The following ADK variants were observed in gnomAD, a reference collection of about 807,000 sequenced individuals.
ADK encodes N6,N6-dimethyladenosine kinase.
In ADK, 24 loss-of-function variants were observed where a neutral mutation model predicts 44.7. That is an observed-to-expected ratio of 0.54 (90% CI 0.39 to 0.76). The LOEUF is 0.76. Ranked by LOEUF, ADK falls within the 30% of genes least tolerant of loss-of-function variation. The probability of loss-of-function intolerance (pLI) is 0.00; values close to 1 mark genes in which losing one functional copy is unlikely to be tolerated. For synonymous variants in ADK, 128 were observed against 142.6 expected, an observed-to-expected ratio of 0.90 and a Z score of 0.73; for missense variants, 321 against 425.1, an observed-to-expected ratio of 0.76 and a Z score of 2.15.
intron 4 of ADK, among the ~76,000 whole-genome samples, chr10:74,376,512 C>T (rs1415260823): frequency 1.3e-5 from 2 of 151,974 alleles, no homozygotes; most frequent in African/African-American, 4.8e-5. Flanking sequence ...ATTTAAGTAC[C>T]TCTCCTATGA....
chr10:74,494,833 C>A (rs143567932), intron 6 of ADK, among the ~76,000 whole-genome samples: 13 of 152,006 alleles, frequency 8.6e-5, no homozygotes, highest in Middle Eastern at 3.4e-3. Context: ...CGGCCAAGTT[C>A]TTTTGATGGC....
chr10:74,479,941 T>C (rs1281863843), intron 6 of ADK, among the ~76,000 whole-genome samples: 1 of 152,098 alleles, frequency 6.6e-6, no homozygotes, highest in Non-Finnish European at 1.5e-5. Flanking sequence ...AATTATCTTA[T>C]TAAATGTAAT....
intron 4 of ADK, among the ~76,000 whole-genome samples, chr10:74,356,648 A>T (rs1842157326): frequency 6.6e-6 from 1 of 152,226 alleles, no homozygotes; most frequent in Admixed American, 6.5e-5. Context: ...GCCTATTTCA[A>T]CATCCAATGT....
intron 6 of ADK, among the ~76,000 whole-genome samples, chr10:74,502,553 T>C (rs78018108): frequency 3.8e-3 from 585 of 152,292 alleles, no homozygotes; most frequent in Non-Finnish European, 5.8e-3. Context: ...TTCAAAATAA[T>C]TTTTGCATAA....
At chr10:74,505,822 C>A (rs895740155) in intron 6 of ADK, among the ~76,000 whole-genome samples, 2 of 152,094 alleles carry the variant, frequency 1.3e-5, no homozygotes, top group African/African-American at 4.8e-5. Flanking sequence ...TAATCTAGAT[C>A]TGAATTAGAG....
At chr10:74,410,649 C>A (rs1189295034) in intron 6 of ADK, among the ~76,000 whole-genome samples, 1 of 152,126 alleles carries the variant, frequency 6.6e-6, no homozygotes, top group Non-Finnish European at 1.5e-5. Context: ...CCACTACACT[C>A]CAGCCTGGCT....
intron 7 of ADK, among the ~76,000 whole-genome samples, chr10:74,584,546 T>G (rs1171389065): frequency 6.6e-6 from 1 of 152,188 alleles, no homozygotes; most frequent in Admixed American, 6.5e-5. Context: ...TATATACAAT[T>G]ATATGAATTT....
chr10:74,630,327 T>C (rs1425680967), intron 9 of ADK, among the ~76,000 whole-genome samples: 1 of 146,474 alleles, frequency 6.8e-6, no homozygotes. Context: ...TTATCCCACT[T>C]TTTTTTTTTT....
chr10:74,210,642 TAAA>T (rs1564595168), intron 2 of ADK, among the ~76,000 whole-genome samples: 1 of 151,960 alleles, frequency 6.6e-6, no homozygotes, highest in Non-Finnish European at 1.5e-5. Context: ...CTCTAAAAAT[TAAA>T]AAAAGGAAAA....
At chr10:74,337,831 C>T (rs567510518) in intron 4 of ADK, among the ~76,000 whole-genome samples, 189 of 149,900 alleles carry the variant, frequency 1.3e-3, no homozygotes, top group Non-Finnish European at 2.3e-3. Context: ...GATGCAATCT[C>T]GGCTCACCGC....
At chr10:74,394,574 G>C (rs1268683881) in intron 5 of ADK, among the ~76,000 whole-genome samples, 1 of 152,120 alleles carries the variant, frequency 6.6e-6, no homozygotes, top group Non-Finnish European at 1.5e-5. Flanking sequence ...ATCAGAAAAG[G>C]CTGATAGCTT....
intron 6 of ADK, among the ~76,000 whole-genome samples, chr10:74,439,538 A>C (rs561535635): frequency 1.3e-5 from 2 of 152,158 alleles, no homozygotes; most frequent in African/African-American, 4.8e-5. Context: ...AAAGAGGCTT[A>C]GTTTTGACAC....
intron 1 of ADK, among the ~76,000 whole-genome samples, chr10:74,161,270 C>T (rs551325113): frequency 1.3e-4 from 20 of 152,252 alleles, no homozygotes; most frequent in East Asian, 3.9e-4. Flanking sequence ...GGCATGATCT[C>T]GGCTCACTGC....
At chr10:74,653,785 T>C (rs1854372955) in intron 9 of ADK, among the ~76,000 whole-genome samples, 2 of 152,358 alleles carry the variant, frequency 1.3e-5, no homozygotes, top group African/African-American at 4.8e-5. Flanking sequence ...GTTTAGTTTA[T>C]TGGACAATAA....
intron 10 of ADK, among the ~76,000 whole-genome samples, chr10:74,694,835 T>C (rs1856116975): frequency 6.6e-6 from 1 of 152,200 alleles, no homozygotes; most frequent in South Asian, 2.1e-4. Context: ...TTCTGCTTTT[T>C]GTGTGTCTTA....
At chr10:74,285,952 C>T (rs1035589418) in intron 3 of ADK, among the ~76,000 whole-genome samples, 1 of 151,684 alleles carries the variant, frequency 6.6e-6, no homozygotes, top group African/African-American at 2.4e-5. Flanking sequence ...TGACATATAC[C>T]CTTAAATATT....
chr10:74,393,585 T>C (rs368076600), intron 4 of ADK, among the ~76,000 whole-genome samples: 1 of 152,228 alleles, frequency 6.6e-6, no homozygotes, highest in Non-Finnish European at 1.5e-5. Context: ...TTGTTGACTA[T>C]GTGCTGGGTA....
At chr10:74,469,215 T>C (rs943963868) in intron 6 of ADK, among the ~76,000 whole-genome samples, 4 of 151,998 alleles carry the variant, frequency 2.6e-5, no homozygotes, top group Admixed American at 6.6e-5. Flanking sequence ...AGTGCGCACT[T>C]GTAGTCTGAG....
At chr10:74,202,088 G>A (rs893458271) in intron 2 of ADK, among the ~76,000 whole-genome samples, 4 of 151,984 alleles carry the variant, frequency 2.6e-5, no homozygotes, top group Non-Finnish European at 5.9e-5. Context: ...GTAGTCATTC[G>A]CTATTCCCTC....
Sources: allele counts gnomAD v4.1 joint callset (sites outside exome capture counted in the v4.1 genomes callset), GRCh38; gene constraint gnomAD v4.1.1; transcripts MANE v1.5; gene names NCBI Gene and HGNC (gene_info 2026-07-23, HGNC 2026-07-21).